KCNIP4: variants seen among roughly 807,000 people sequenced by gnomAD.
KCNIP4 encodes potassium voltage-gated channel interacting protein 4, also known as Kv channel-interacting protein 4.
In KCNIP4, 12 loss-of-function variants were observed where a neutral mutation model predicts 34.0. The observed-to-expected ratio is 0.35, with a 90% confidence interval of 0.23 to 0.57. The LOEUF is 0.57. Ranked by LOEUF, KCNIP4 falls within the 20% of genes least tolerant of loss-of-function variation. KCNIP4 has a pLI of 0.83. For missense variants in KCNIP4, 238 were observed against 311.7 expected (o/e 0.76, Z 1.78); for synonymous variants, 124 against 102.2 (o/e 1.21, Z -1.29).
chr4:21,685,866 G>T (rs1451054472), intron 1 of KCNIP4, among the ~76,000 whole-genome samples: 3 of 152,306 alleles, frequency 2.0e-5, no homozygotes, highest in Non-Finnish European at 2.9e-5. Context: ...AGATAGGCTA[G>T]GAGGGCATCA....
intron 2 of KCNIP4, among the ~76,000 whole-genome samples, chr4:20,870,407 A>C (rs1466649421): frequency 1.3e-5 from 2 of 152,140 alleles, no homozygotes; most frequent in African/African-American, 4.8e-5. Context: ...AGGCCTCCCC[A>C]ACCATGCTTC....
intron 1 of KCNIP4, among the ~76,000 whole-genome samples, chr4:21,828,099 T>C (rs747074649): frequency 6.0e-5 from 9 of 150,704 alleles, no homozygotes; most frequent in Non-Finnish European, 1.3e-4. Context: ...AATACATCTA[T>C]TAATAGTATG....
At chr4:21,709,806 T>TGAG (rs1713576751) in intron 1 of KCNIP4, among the ~76,000 whole-genome samples, 1 of 152,170 alleles carries the variant, frequency 6.6e-6, no homozygotes, top group African/African-American at 2.4e-5. Context: ...CTACACCAGG[T>TGAG]TACAATTCTC....
At chr4:21,381,825 G>T in intron 1 of KCNIP4, among the ~76,000 whole-genome samples, 1 of 152,182 alleles carries the variant, frequency 6.6e-6, no homozygotes, top group East Asian at 1.9e-4. Flanking sequence ...GGAGGAGTAA[G>T]TATTAAATTG....
chr4:20,766,731 A>G (rs575602914), intron 3 of KCNIP4: 5 of 152,238 alleles, frequency 3.3e-5, no homozygotes, highest in African/African-American at 4.8e-5. Flanking sequence ...CCTGAGGTCT[A>G]GGACTAAGCT....
intron 1 of KCNIP4, among the ~76,000 whole-genome samples, chr4:21,234,587 G>T (rs1043003161): frequency 8.0e-6 from 1 of 125,610 alleles, no homozygotes; most frequent in Admixed American, 8.7e-5. Flanking sequence ...TACATATAAC[G>T]TATATAATAT....
At chr4:21,312,781 CTG>C (rs1259668407) in intron 1 of KCNIP4, among the ~76,000 whole-genome samples, 2 of 152,140 alleles carry the variant, frequency 1.3e-5, no homozygotes, top group Non-Finnish European at 2.9e-5. Context: ...AGACAGAGGA[CTG>C]TGAATGATCC....
chr4:21,279,531 A>C (rs889671334), intron 1 of KCNIP4, among the ~76,000 whole-genome samples: 1 of 151,080 alleles, frequency 6.6e-6, no homozygotes, highest in African/African-American at 2.4e-5. Context: ...ACACACATAT[A>C]TATATGCCCT....
At chr4:21,000,203 C>G (rs1422403228) in intron 1 of KCNIP4, among the ~76,000 whole-genome samples, 1 of 152,142 alleles carries the variant, frequency 6.6e-6, no homozygotes, top group African/African-American at 2.4e-5. Context: ...GGCTAATTCT[C>G]AGTACCACTG....
At chr4:21,780,839 C>T (rs1719531010) in intron 1 of KCNIP4, among the ~76,000 whole-genome samples, 1 of 152,172 alleles carries the variant, frequency 6.6e-6, no homozygotes, top group African/African-American at 2.4e-5. Context: ...ACCATGTTCC[C>T]TCTGAAGCTG....
At chr4:21,707,917 C>T (rs1409983112) in intron 1 of KCNIP4, among the ~76,000 whole-genome samples, 2 of 126,112 alleles carry the variant, frequency 1.6e-5, no homozygotes, top group African/African-American at 3.0e-5. Context: ...CTGACATTAT[C>T]CTGAAACACA....
intron 1 of KCNIP4, among the ~76,000 whole-genome samples, chr4:21,067,897 G>A (rs1005652721): frequency 6.6e-6 from 1 of 152,004 alleles, no homozygotes; most frequent in Non-Finnish European, 1.5e-5. Flanking sequence ...ATATTATCAA[G>A]CTTCATTTCC....
chr4:21,262,628 C>T (rs1300301762), intron 1 of KCNIP4, among the ~76,000 whole-genome samples: 1 of 152,124 alleles, frequency 6.6e-6, no homozygotes, highest in African/African-American at 2.4e-5. Context: ...TTCTCCTTCC[C>T]TTTCTGGACC....
At chr4:20,969,041 A>T (rs923752365) in intron 1 of KCNIP4, among the ~76,000 whole-genome samples, 2 of 152,226 alleles carry the variant, frequency 1.3e-5, no homozygotes, top group African/African-American at 4.8e-5. Flanking sequence ...ATTTATTTGA[A>T]TATGCATAGC....
At chr4:21,043,999 C>T (rs140889053) in intron 1 of KCNIP4, among the ~76,000 whole-genome samples, 212 of 152,158 alleles carry the variant, frequency 1.4e-3, no homozygotes, top group Middle Eastern at 6.8e-3. Flanking sequence ...GGGATTACAG[C>T]CCATGTCATA....
At chr4:21,152,335 A>T (rs1752816541) in intron 1 of KCNIP4, among the ~76,000 whole-genome samples, 1 of 152,132 alleles carries the variant, frequency 6.6e-6, no homozygotes, top group Non-Finnish European at 1.5e-5. Context: ...TTCACTTTTC[A>T]TTAGAGCCAC....
At chr4:21,076,714 C>T (rs1384451786) in intron 1 of KCNIP4, among the ~76,000 whole-genome samples, 4 of 152,080 alleles carry the variant, frequency 2.6e-5, no homozygotes, top group Non-Finnish European at 5.9e-5. Context: ...TGAGAAATGT[C>T]GTTGATGGTG....
chr4:21,379,814 G>A (rs1309667463), intron 1 of KCNIP4, among the ~76,000 whole-genome samples: 2 of 152,070 alleles, frequency 1.3e-5, no homozygotes, highest in Non-Finnish European at 2.9e-5. Context: ...TTTTGTAAGT[G>A]CTTTCATTTT....
chr4:21,087,421 C>A (rs1746570408), intron 1 of KCNIP4, among the ~76,000 whole-genome samples: 1 of 151,966 alleles, frequency 6.6e-6, no homozygotes, highest in African/African-American at 2.4e-5. Context: ...TCATGATCTG[C>A]CCACCTCAGA....
Sources: allele counts gnomAD v4.1 joint callset (sites outside exome capture counted in the v4.1 genomes callset), GRCh38; gene constraint gnomAD v4.1.1; transcripts MANE v1.5; gene names NCBI Gene and HGNC (gene_info 2026-07-23, HGNC 2026-07-21).